The following NALCN variants were observed in gnomAD, a reference collection of about 807,000 sequenced individuals.
The protein encoded by NALCN is sodium leak channel NALCN.
A neutral mutation model predicts 225.3 loss-of-function variants in NALCN; 111 were observed. The ratio of observed to expected loss-of-function variants is 0.49; its 90% CI spans 0.42 to 0.58. The LOEUF (loss-of-function observed/expected upper bound fraction) is 0.58. Ranked by LOEUF, NALCN falls within the 20% of genes least tolerant of loss-of-function variation. The pLI is 0.00. For missense variants in NALCN, 1,378 were observed against 2,202.4 expected, an observed-to-expected ratio of 0.63 and a Z score of 7.49; for synonymous variants, 764 against 769.0, an observed-to-expected ratio of 0.99 and a Z score of 0.11.
intron 1 of NALCN, among the ~76,000 whole-genome samples, chr13:101,412,158 T>C (rs2047807910): frequency 6.6e-6 from 1 of 152,212 alleles, no homozygotes. Context: ...CTTATTTTCA[T>C]CTGAAGATTT....
At chr13:101,101,831 T>C (rs1258479893) in intron 26 of NALCN, among the ~76,000 whole-genome samples, 1 of 152,086 alleles carries the variant, frequency 6.6e-6, no homozygotes, top group Non-Finnish European at 1.5e-5. Context: ...CCTAAACATA[T>C]ACCTAAGTGT....
intron 13 of NALCN, among the ~76,000 whole-genome samples, chr13:101,199,337 G>A (rs1165265535): frequency 6.6e-6 from 1 of 151,332 alleles, no homozygotes; most frequent in Non-Finnish European, 1.5e-5. Context: ...CTGCTATAAA[G>A]ACACATGCAC....
rs2045692030 is a variant in NALCN at position 101,345,535 on chromosome 13, C to T, written c.645-115G>A. ...ATGTATCTGGCCAAGTGAGGTTGCTCATGCCTGTAATCGTTGCACTTTGGG... is the reference window on the plus strand; with the variant it reads ...ATGTATCTGGCCAAGTGAGGTTGCTTATGCCTGTAATCGTTGCACTTTGGG... On this transcript the variant is annotated intron_variant, in intron 6 of 43. Coordinates refer to ENST00000251127, the MANE Select transcript of NALCN (RefSeq NM_052867.4). 13 of 1,249,270 alleles carry T rather than the reference C, an allele frequency of 1.0e-5. No homozygotes were observed. The South Asian group carries it at 1.9e-4, about 18-fold the overall frequency. The allele number at this position is 1,249,270 out of a possible 1,614,324, so 77.4% of individuals were successfully genotyped here.
chr13:101,247,150 A>G (rs769989342), intron 11 of NALCN, among the ~76,000 whole-genome samples: 3 of 152,190 alleles, frequency 2.0e-5, no homozygotes, highest in South Asian at 2.1e-4. Context: ...GAGAACCTTC[A>G]TAGTGAAAAG....
intron 6 of NALCN, 103 bp from the exon 7 acceptor site, chr13:101,345,523 A>G: frequency 7.3e-7 from 1 of 1,376,958 alleles, no homozygotes; most frequent in Non-Finnish European, 9.8e-7. Context: ...TATCTGGCCA[A>G]GTGAGGTTGC....
At chr13:101,177,734 T>C (rs887436932) in intron 14 of NALCN, among the ~76,000 whole-genome samples, 1 of 152,222 alleles carries the variant, frequency 6.6e-6, no homozygotes, top group Non-Finnish European at 1.5e-5. Flanking sequence ...CATATTTTTC[T>C]TTTCAGTTTT....
rs1471430484 is a variant in NALCN, at chr13:101,395,317, CAG to C, written c.155_156del (p.Ser52CysfsTer48). 6.2e-7 allele frequency: 1 copy of C among 1,613,904 alleles called. No individual in the cohort carries two copies. Among genetic ancestry groups the C allele is most frequent in the Non-Finnish European group, 8.5e-7 (1 of 1,179,964 alleles). Reference protein sequence around the residue: ...LRICAIISVISVCMNTPMTFE... With the variant: ...LRICAIISVIXVCMNTPMTFE... The stretch of plus-strand genomic sequence containing the variant: ...AAGGTCATTGGCGTATTCATACAAA[CAG>C]AAATGACGCTGATGATGGCACAGAT... On this transcript the variant is annotated frameshift_variant, in exon 3 of 44. Coordinates refer to ENST00000251127, the MANE Select transcript of NALCN (RefSeq NM_052867.4). LOFTEE classifies it high-confidence loss of function.
chr13:101,415,453 T>C (rs184256862), intron 1 of NALCN, among the ~76,000 whole-genome samples: 29 of 152,000 alleles, frequency 1.9e-4, no homozygotes, highest in African/African-American at 6.3e-4. Flanking sequence ...GTCTGAAAAA[T>C]TGTACCTGAA....
chr13:101,202,774 C>G (rs1328668314), intron 13 of NALCN, among the ~76,000 whole-genome samples: 1 of 152,224 alleles, frequency 6.6e-6, no homozygotes, highest in Non-Finnish European at 1.5e-5. Context: ...GCTGCTCCCC[C>G]TGGTGTAACT....
At chr13:101,060,253 C>A (rs1325960488) in intron 41 of NALCN, among the ~76,000 whole-genome samples, 1 of 98,314 alleles carries the variant, frequency 1.0e-5, no homozygotes. Flanking sequence ...ATTTGTTTTT[C>A]TTTTTGTTGT....
At chr13:101,368,017 T>C (rs2046426555) in intron 6 of NALCN, among the ~76,000 whole-genome samples, 1 of 151,748 alleles carries the variant, frequency 6.6e-6, no homozygotes, top group Admixed American at 6.6e-5. Context: ...TTTATTATTA[T>C]TATACTTTAA....
At chr13:101,407,488 G>C (rs2047656843) in intron 1 of NALCN, among the ~76,000 whole-genome samples, 1 of 152,150 alleles carries the variant, frequency 6.6e-6, no homozygotes. Context: ...ATAAACTACT[G>C]TGCATAATTA....
chr13:101,345,374 G>A lies in NALCN; in HGVS notation c.691C>T (p.Pro231Ser), dbSNP rs766358582. ...SLAIPDTHCSPELEEGYQCPP... is the reference protein window; with the variant it reads ...SLAIPDTHCSSELEEGYQCPP... ...CACTGGTAGCCTTCTTCTAGCTCTG[G>A]TGAGCAGTGTGTGTCTGGAATAGCT... The change falls in exon 7 of 44, where the codon CCA becomes TCA. Residue 231 changes from proline to serine, a missense_variant. Physicochemically the swap from Pro to Ser is moderately conservative, Grantham distance 74 (BLOSUM62 -1). Coordinates refer to ENST00000251127, the MANE Select transcript of NALCN (RefSeq NM_052867.4). The A allele has an allele frequency of 2.5e-6, 4 of 1,613,606 alleles. No homozygotes were observed. In the Admixed American group the frequency reaches 6.7e-5, roughly 27 times the overall value.
chr13:101,075,323 C>G (rs192041904), intron 35 of NALCN, among the ~76,000 whole-genome samples: 2 of 151,832 alleles, frequency 1.3e-5, no homozygotes, highest in Admixed American at 6.6e-5. Flanking sequence ...GGTGTGGTGG[C>G]ACATGCCTGT....
chr13:101,162,158 C>T (rs557856761), intron 15 of NALCN, among the ~76,000 whole-genome samples: 239 of 152,292 alleles, frequency 1.6e-3, no homozygotes, highest in African/African-American at 5.3e-3. Context: ...GGGTCTTCTA[C>T]GAGTGTCTCT....
intron 28 of NALCN, among the ~76,000 whole-genome samples, chr13:101,094,291 T>A (rs1242235194): frequency 1.3e-5 from 2 of 152,026 alleles, no homozygotes; most frequent in Non-Finnish European, 2.9e-5. Context: ...CACAAGAGTC[T>A]CTCTTCTTGC....
At chr13:101,145,769 G>A (rs905765561) in intron 15 of NALCN, among the ~76,000 whole-genome samples, 2 of 151,936 alleles carry the variant, frequency 1.3e-5, no homozygotes, top group African/African-American at 4.8e-5. Flanking sequence ...CCTTCCCCAC[G>A]TCTGCCCTGT....
rs145910377 is a variant in NALCN, at chr13:101,395,225, C to T, written c.249G>A (p.Thr83=). The part of the protein sequence containing the change: ...TLDTLLMFLY[T]AEMIAKMHIR... ...TGTGCATTTTTGCTATCATCTCTGC[C>T]GTGTAGAGAAACATCAATAATGTAT... is the stretch of plus-strand genomic sequence containing the variant. The change falls in exon 3 of 44, where the codon ACG becomes ACA. Residue 83 remains threonine (T), a synonymous_variant. Transcript: ENST00000251127. The T allele has an allele frequency of 1.1e-5, 17 of 1,613,580 alleles. No homozygotes were observed. The African/African-American group carries it at 1.3e-4, about 13-fold the overall frequency.
intron 10 of NALCN, among the ~76,000 whole-genome samples, chr13:101,260,146 C>T (rs756255869): frequency 2.0e-5 from 3 of 152,074 alleles, no homozygotes; most frequent in Non-Finnish European, 4.4e-5. Context: ...CTGTGCCTGG[C>T]TTATTTCGCT....
Sources: gnomAD v4.1 joint callset for allele counts (sites outside exome capture counted in the v4.1 genomes callset) on GRCh38, gnomAD v4.1.1 for gene constraint, MANE v1.5 for transcripts, NCBI Gene and HGNC (gene_info 2026-07-23, HGNC 2026-07-21) for gene names.